The following FAM114A2 variants were observed in gnomAD, a reference collection of about 807,000 sequenced individuals.
FAM114A2 encodes protein FAM114A2.
In FAM114A2, 53 loss-of-function variants were observed where a neutral mutation model predicts 58.4. That is an observed-to-expected ratio of 0.91 (90% CI 0.73 to 1.14). FAM114A2 has a LOEUF of 1.14. Ranked by LOEUF, FAM114A2 falls within the 50% of genes most tolerant of loss-of-function variation. The pLI, the probability that FAM114A2 is intolerant of heterozygous loss-of-function variation, is 0.00. For missense variants in FAM114A2, 601 were observed against 581.1 expected, an observed-to-expected ratio of 1.03 and a Z score of -0.35; for synonymous variants, 228 against 211.4, an observed-to-expected ratio of 1.08 and a Z score of -0.68.
intron 4 of FAM114A2, 96 bp downstream of exon 4, chr5:154,033,695 T>C (rs1645259084): frequency 1.4e-6 from 1 of 717,508 alleles, no homozygotes; most frequent in South Asian, 1.8e-5. Flanking sequence ...CACGATGCCC[T>C]GAGTATCAGA....
chr5:154,012,959 A>G (rs538411988), intron 8 of FAM114A2, among the ~76,000 whole-genome samples: 10 of 151,822 alleles, frequency 6.6e-5, no homozygotes, highest in African/African-American at 2.4e-4. Flanking sequence ...GGTATATTTT[A>G]GAATGTTAAT....
chr5:154,018,419 A>T (rs547705823), intron 8 of FAM114A2, among the ~76,000 whole-genome samples: 11 of 152,288 alleles, frequency 7.2e-5, no homozygotes, highest in African/African-American at 2.4e-4. Flanking sequence ...TGGTAATTTT[A>T]AAAATTACCA....
chr5:154,037,614 TATC>T (rs1193426435), intron 1 of FAM114A2, among the ~76,000 whole-genome samples: 19 of 152,220 alleles, frequency 1.2e-4, no homozygotes, highest in Admixed American at 3.9e-4. Flanking sequence ...AACGCATCAT[TATC>T]ATCATCATAA....
chr5:154,002,195 A>C (rs1292831030), intron 11 of FAM114A2, 56 bp downstream of exon 11: 4 of 1,548,652 alleles, frequency 2.6e-6, no homozygotes, highest in Non-Finnish European at 3.6e-6. Context: ...CTTTGGAAAC[A>C]GGCCAAGAAA....
At chr5:153,994,844 C>A in intron 13 of FAM114A2, 75 bp downstream of exon 13, 1 of 971,302 alleles carries the variant, frequency 1.0e-6, no homozygotes, top group South Asian at 1.4e-5. Context: ...ATAAAAAAGC[C>A]AAAAGCAAAA....
intron 12 of FAM114A2, 47 bp downstream of exon 12, chr5:153,997,756 A>G: frequency 8.7e-7 from 1 of 1,154,154 alleles, no homozygotes; most frequent in South Asian, 1.3e-5. Context: ...TTAAACTGCT[A>G]AAGAAACCAG....
rs751508911 is a variant in FAM114A2, at chr5:154,034,781, G to T, written c.173C>A (p.Ser58Tyr). ...STRKRPETKP[S>Y]SDLETSKVLP... is the part of the protein sequence containing the mutation. Reference sequence around the variant, plus strand: ...AACTTTTGAAGTCTCAAGGTCACTGGAAGGTTTGGTCTCTGGTCTTTTCCG... The same window carrying T: ...AACTTTTGAAGTCTCAAGGTCACTGTAAGGTTTGGTCTCTGGTCTTTTCCG... The change falls in exon 2 of 14, where the codon TCC (serine) becomes TAC (tyrosine). Residue 58 changes from serine to tyrosine, a missense_variant. Physicochemically the swap from Ser to Tyr is moderately radical, Grantham distance 144. Coordinates refer to ENST00000351797, the MANE Select transcript of FAM114A2 (RefSeq NM_018691.4). 12 of 1,613,850 alleles carry T rather than the reference G, an allele frequency of 7.4e-6. No homozygotes were observed. The highest frequency in any genetic ancestry group is 1.3e-5 in the African/African-American group (1 of 74,900).
chr5:154,020,031 T>G (rs1771300382), intron 8 of FAM114A2, among the ~76,000 whole-genome samples: 1 of 152,224 alleles, frequency 6.6e-6, no homozygotes, highest in Non-Finnish European at 1.5e-5. Context: ...CTGAACAACC[T>G]GCTCCTGAAT....
intron 8 of FAM114A2, among the ~76,000 whole-genome samples, chr5:154,021,507 A>G (rs993409158): frequency 3.9e-5 from 6 of 152,216 alleles, no homozygotes; most frequent in Non-Finnish European, 8.8e-5. Flanking sequence ...CCAATAACAG[A>G]CAAACAGAGA....
intron 4 of FAM114A2, among the ~76,000 whole-genome samples, chr5:154,031,329 G>A (rs1202429501): frequency 0.015 from 403 of 26,620 alleles, 7 homozygotes; most frequent in African/African-American, 0.021. Flanking sequence ...AAAAAAAAAA[G>A]CCTTAAAGCA....
intron 8 of FAM114A2, among the ~76,000 whole-genome samples, chr5:154,019,542 T>G (rs1364967640): frequency 6.6e-6 from 1 of 152,038 alleles, no homozygotes; most frequent in Non-Finnish European, 1.5e-5. Context: ...TCCTAAAATT[T>G]GTATGGAACC....
At chr5:154,004,620 G>C (rs979657313) in intron 9 of FAM114A2, among the ~76,000 whole-genome samples, 2 of 152,020 alleles carry the variant, frequency 1.3e-5, no homozygotes, top group African/African-American at 4.8e-5. Context: ...GTGCCACCAG[G>C]TACCAGTTAC....
At chr5:153,993,467 G>A (rs1192336738) in intron 13 of FAM114A2, among the ~76,000 whole-genome samples, 1 of 152,156 alleles carries the variant, frequency 6.6e-6, no homozygotes, top group Non-Finnish European at 1.5e-5. Context: ...GAGGCTTTCA[G>A]AAGGCTATAA....
Position 153,990,296 on chromosome 5 carries a change from C to T in FAM114A2, c.*2680G>A, listed in dbSNP as rs1769205927. On this transcript the variant is annotated 3_prime_UTR_variant, in exon 14 of 14. Transcript: ENST00000351797. Reference sequence around the variant, plus strand: ...GCAACTACCTATAAAATAGCTCTCCCTCAAAAAGGTCTTTCACTAAAAACA... The same window carrying T: ...GCAACTACCTATAAAATAGCTCTCCTTCAAAAAGGTCTTTCACTAAAAACA... 1.3e-5 allele frequency: 2 copies of T among 152,080 alleles called. No individual in the cohort carries two copies. Among genetic ancestry groups the T allele is most frequent in the Non-Finnish European group, 1.5e-5 (1 of 68,014 alleles). The allele number at this position is 152,080 out of a possible 1,614,324, so 9.4% of individuals were successfully genotyped here. A position where few individuals can be genotyped will look rare whatever the true frequency, so the allele number is the denominator to read the frequency against.
At chr5:154,013,626 A>G (rs1770839955) in intron 8 of FAM114A2, among the ~76,000 whole-genome samples, 1 of 152,206 alleles carries the variant, frequency 6.6e-6, no homozygotes, top group Non-Finnish European at 1.5e-5. Context: ...GTATTTAAAG[A>G]CTGAGATTTC....
At chr5:153,996,703 G>A (rs1581758691) in intron 12 of FAM114A2, among the ~76,000 whole-genome samples, 1 of 152,162 alleles carries the variant, frequency 6.6e-6, no homozygotes, top group Admixed American at 6.5e-5. Context: ...ATTAAAAGAT[G>A]TTCAACATTG....
chr5:154,002,245 A>G lies in FAM114A2; in HGVS notation c.1256+6T>C. On this transcript the variant is annotated splice_donor_region_variant and intron_variant, in intron 11 of 13. Coordinates refer to ENST00000351797, the MANE Select transcript of FAM114A2 (RefSeq NM_018691.4). ...CATCATTTAGAGGAATTCTCATTAC[A>G]CTTACTGGGAAAGAGTTTGGCTCCT... 6.2e-7 allele frequency: 1 copy of G among 1,613,074 alleles called. No homozygotes were observed. The highest frequency in any genetic ancestry group is 8.5e-7 in the Non-Finnish European group (1 of 1,179,108).
chr5:153,993,862 G>C (rs1769398273), intron 13 of FAM114A2, among the ~76,000 whole-genome samples: 1 of 152,038 alleles, frequency 6.6e-6, no homozygotes, highest in Non-Finnish European at 1.5e-5. Context: ...TCAATGGCAA[G>C]TACTATTTAA....
At chr5:154,020,867 C>T (rs2118660) in intron 8 of FAM114A2, among the ~76,000 whole-genome samples, 1 of 151,846 alleles carries the variant, frequency 6.6e-6, no homozygotes, top group Non-Finnish European at 1.5e-5. Flanking sequence ...AGACCAATAT[C>T]CCTGATGAAC....
Sources: gnomAD v4.1 joint callset for allele counts (sites outside exome capture counted in the v4.1 genomes callset) on GRCh38, gnomAD v4.1.1 for gene constraint, MANE v1.5 for transcripts, NCBI Gene and HGNC (gene_info 2026-07-23, HGNC 2026-07-21) for gene names.